Variants in RHPN2 observed in about 807,000 individuals in gnomAD.
RHPN2 encodes the protein rhophilin Rho GTPase binding protein 2, also known as rhophilin-2.
Under a neutral mutation model 79.0 loss-of-function variants are expected in RHPN2, and 40 were observed. The ratio of observed to expected loss-of-function variants is 0.51; its 90% CI spans 0.39 to 0.66. RHPN2 has a LOEUF of 0.66. Ranked by LOEUF, RHPN2 falls within the 30% of genes least tolerant of loss-of-function variation. RHPN2 has a pLI of 0.00. For missense variants in RHPN2, 686 were observed against 883.5 expected, an observed-to-expected ratio of 0.78 and a Z score of 2.83; for synonymous variants, 285 against 363.5, an observed-to-expected ratio of 0.78 and a Z score of 2.46.
At chr19:33,058,713 G>A (rs1972254449) in intron 1 of RHPN2, among the ~76,000 whole-genome samples, 1 of 152,120 alleles carries the variant, frequency 6.6e-6, no homozygotes, top group South Asian at 2.1e-4. Context: ...CCGGGAGGCG[G>A]AGGTTGCAGT....
intron 4 of RHPN2, among the ~76,000 whole-genome samples, chr19:33,013,658 G>C (rs10409322): frequency 0.4 from 60,522 of 151,752 alleles, 13,606 homozygotes; most frequent in East Asian, 0.64. Flanking sequence ...TTCGAGACCA[G>C]TCTATGGCCT....
At chr19:33,035,031 G>A (rs1481049542) in intron 2 of RHPN2, among the ~76,000 whole-genome samples, 4 of 151,958 alleles carry the variant, frequency 2.6e-5, no homozygotes, top group African/African-American at 4.8e-5. Flanking sequence ...GCAGTGGTAC[G>A]ATCTTGGCTC....
At chr19:32,982,686 T>C (rs1487367474) in intron 14 of RHPN2, among the ~76,000 whole-genome samples, 1 of 152,006 alleles carries the variant, frequency 6.6e-6, no homozygotes, top group African/African-American at 2.4e-5. Flanking sequence ...CACTGCCTTA[T>C]AAATACCCTC....
chr19:33,034,547 A>G (rs1009641116), intron 2 of RHPN2, among the ~76,000 whole-genome samples: 26 of 148,332 alleles, frequency 1.8e-4, no homozygotes, highest in Admixed American at 1.1e-3. Context: ...CAGAGCTTAC[A>G]GTGAACAGAG....
At chr19:32,990,938 A>G (rs1225669596) in intron 13 of RHPN2, among the ~76,000 whole-genome samples, 5 of 150,960 alleles carry the variant, frequency 3.3e-5, no homozygotes, top group Non-Finnish European at 7.4e-5. Context: ...CTGAGGCAGG[A>G]GAATTGCTTG....
intron 1 of RHPN2, among the ~76,000 whole-genome samples, chr19:33,064,514 C>T (rs1427051977): frequency 6.6e-6 from 1 of 152,188 alleles, no homozygotes; most frequent in Non-Finnish European, 1.5e-5. Flanking sequence ...AGCACCCCTC[C>T]AGGTCCTCCG....
At chr19:32,993,722 C>T (rs1971678636) in intron 12 of RHPN2, among the ~76,000 whole-genome samples, 1 of 152,130 alleles carries the variant, frequency 6.6e-6, no homozygotes, top group Admixed American at 6.6e-5. Flanking sequence ...AGCTCATCAC[C>T]TTTTCTGCCA....
In RHPN2 at chr19:33,008,157, G is replaced by A. The variant is rs766609551; in HGVS notation, c.617C>T (p.Pro206Leu). Reference protein sequence around the residue: ...FTWYDSLTGVPVSQQNLLLEK... With the variant: ...FTWYDSLTGVLVSQQNLLLEK... ...CAGCAGCAGGTTCTGCTGGCTGACC[G>A]GAACCCCGGTGAGAGAGTCATACCT... is the stretch of plus-strand genomic sequence containing the variant. Residue 206 changes from proline to leucine, a missense_variant, in exon 7 of 15, where the codon CCG (proline) becomes CTG (leucine). Pro to Leu is a moderately conservative substitution (Grantham distance 98). Coordinates refer to ENST00000254260, the MANE Select transcript of RHPN2 (RefSeq NM_033103.5). 1.7e-5 allele frequency: 28 copies of A among 1,613,972 alleles called. 1 individual carries two copies. Among genetic ancestry groups the A allele is most frequent in the South Asian group, 8.8e-5 (8 of 91,082 alleles).
In RHPN2 at chr19:32,979,988, T is replaced by C. The variant is rs1376563855; in HGVS notation, c.*8A>G. 6.2e-7 allele frequency: 1 copy of C among 1,613,918 alleles called. No individual in the cohort carries two copies. Among genetic ancestry groups the C allele is most frequent in the Middle Eastern group, 1.7e-4 (1 of 6,056 alleles). ...TGTTCAGGGCCTGAACATGTTTGTTTCCTCACATTAGTACCAAGAACTGTC... is the reference window on the plus strand; with the variant it reads ...TGTTCAGGGCCTGAACATGTTTGTTCCCTCACATTAGTACCAAGAACTGTC... On this transcript the variant is annotated 3_prime_UTR_variant, in exon 15 of 15. Transcript: ENST00000254260.
chr19:32,991,904 T>G lies in RHPN2; in HGVS notation c.1563A>C (p.Ala521=). ...AGGTGAACCCCAAGTCCCCTTCTTC[T>G]GCAGTGAAGCGGATGCTTCGAGGAG... ...WTPPRSIRFT[A]EEGDLGFTLR... is the part of the protein sequence containing the mutation. Residue 521 remains alanine, a synonymous_variant, in exon 13 of 15, where the codon GCA becomes GCC. Coordinates refer to ENST00000254260, the MANE Select transcript of RHPN2 (RefSeq NM_033103.5). 1 of 1,613,988 alleles carries G rather than the reference T, an allele frequency of 6.2e-7. No homozygotes were observed. Among genetic ancestry groups the G allele is most frequent in the Non-Finnish European group, 8.5e-7 (1 of 1,179,866 alleles).
chr19:33,059,765 A>G (rs1392440818), intron 1 of RHPN2, among the ~76,000 whole-genome samples: 2 of 151,276 alleles, frequency 1.3e-5, no homozygotes, highest in Non-Finnish European at 2.9e-5. Flanking sequence ...TTTCCTAACG[A>G]CTCCTAAAGA....
chr19:32,995,034 T>C (rs1971689735), intron 11 of RHPN2, among the ~76,000 whole-genome samples: 1 of 152,158 alleles, frequency 6.6e-6, no homozygotes, highest in South Asian at 2.1e-4. Flanking sequence ...GTTCCATGCC[T>C]CACTGGACAC....
intron 2 of RHPN2, among the ~76,000 whole-genome samples, chr19:33,031,183 C>A (rs1268019582): frequency 6.8e-6 from 1 of 147,512 alleles, no homozygotes; most frequent in Non-Finnish European, 1.5e-5. Context: ...TGAACCTCAT[C>A]GTTCAGAATT....
Position 32,980,128 on chromosome 19 carries a change from C to T in RHPN2, c.1929G>A (p.Trp643Ter), listed in dbSNP as rs1450753266. 8.7e-6 allele frequency: 14 copies of T among 1,613,744 alleles called. No individual in the cohort carries two copies. Among genetic ancestry groups the T allele is most frequent in the Non-Finnish European group, 1.2e-5 (14 of 1,179,856 alleles). The part of the protein sequence containing the change: ...KISKKLSFLS[W>*]GTNKNRQKSA... ...ACTTCTGTCTGTTCTTGTTGGTGCC[C>T]CAACTCAGGAAGGAAAGCTTCTTGG... Residue 643 changes from tryptophan to a stop codon, truncating the protein, a stop_gained, in exon 15 of 15, where the codon TGG becomes TGA. Coordinates refer to ENST00000254260, the MANE Select transcript of RHPN2 (RefSeq NM_033103.5). LOFTEE classifies it high-confidence loss of function.
At position 32,996,041 on chromosome 19, in the gene RHPN2, C is replaced by T. The variant is rs760951199; in HGVS notation, c.1405G>A (p.Ala469Thr). 9.3e-6 allele frequency: 15 copies of T among 1,613,870 alleles called. No homozygotes were observed. The highest frequency in any genetic ancestry group is 1.3e-5 in the African/African-American group (1 of 74,924). Reference protein sequence around the residue: ...EEDDLLNLIDAPSVVAKTEQE... With the variant: ...EEDDLLNLIDTPSVVAKTEQE... ...GGCTACTCACCAACAACACTGGGGG[C>T]GTCGATCAGGTTCAGCAGGTCATCC... is the stretch of plus-strand genomic sequence containing the variant. The change falls in exon 11 of 15, where the codon GCC (alanine) becomes ACC (threonine). Residue 469 changes from alanine (A) to threonine (T), a missense_variant. Transcript: ENST00000254260.
chr19:33,012,874 T>G, intron 4 of RHPN2, 150 bp from the exon 5 acceptor site: 1 of 633,262 alleles, frequency 1.6e-6, no homozygotes, highest in South Asian at 1.9e-5. Flanking sequence ...TTTATTTTCT[T>G]AATTTATGTA....
chr19:33,022,008 T>C (rs2145246213), intron 3 of RHPN2, among the ~76,000 whole-genome samples: 1 of 152,242 alleles, frequency 6.6e-6, no homozygotes, highest in South Asian at 2.1e-4. Flanking sequence ...TGGCGCAATC[T>C]CAGCTCACTG....
At chr19:33,028,908 G>A (rs1971988114) in intron 2 of RHPN2, among the ~76,000 whole-genome samples, 1 of 152,128 alleles carries the variant, frequency 6.6e-6, no homozygotes, top group South Asian at 2.1e-4. Context: ...GGAGGTTGAG[G>A]TGGGTAGATC....
chr19:33,035,004 G>A (rs1202488664), intron 2 of RHPN2, among the ~76,000 whole-genome samples: 1 of 151,938 alleles, frequency 6.6e-6, no homozygotes, highest in African/African-American at 2.4e-5. Flanking sequence ...GTCTTGCTCT[G>A]TCACCCACGC....
Sources: gnomAD v4.1 joint callset for allele counts (sites outside exome capture counted in the v4.1 genomes callset) on GRCh38, gnomAD v4.1.1 for gene constraint, MANE v1.5 for transcripts, NCBI Gene and HGNC (gene_info 2026-07-23, HGNC 2026-07-21) for gene names.